The following DAB1 variants were observed in gnomAD, a reference collection of about 807,000 sequenced individuals.
DAB1 encodes DAB adaptor protein 1.
Under a neutral mutation model 64.6 loss-of-function variants are expected in DAB1, and 15 were observed. The observed-to-expected ratio is 0.23, with a 90% confidence interval of 0.16 to 0.36. The LOEUF is 0.36. DAB1 is among the 10% of genes least tolerant of loss of function. The probability of loss-of-function intolerance (pLI) is 1.00; values close to 1 mark genes in which losing one functional copy is unlikely to be tolerated. For synonymous variants in DAB1, 235 were observed against 251.9 expected (o/e 0.93, Z 0.64); for missense variants, 596 against 706.7 (o/e 0.84, Z 1.78).
Position 58,228,543 on chromosome 1 carries a change from G to A in DAB1, n.310-77955C>T, listed in dbSNP as rs1004811626. On this transcript the variant is annotated intron_variant and non_coding_transcript_variant, in intron 4 of 20. Coordinates refer to the DAB1 transcript ENST00000485760. ...TGTATGGTACACTTGGTCCATTATCGTGTGTGGATATGGCAGGGGGAGGGG... is the reference window on the plus strand; with the variant it reads ...TGTATGGTACACTTGGTCCATTATCATGTGTGGATATGGCAGGGGGAGGGG... 2.5e-5 allele frequency: 10 copies of A among 403,198 alleles called. 1 individual carries two copies. Among genetic ancestry groups the A allele is most frequent in the South Asian group, 1.3e-4 (6 of 47,578 alleles). The allele number at this position is 403,198 out of a possible 1,614,324, so 25.0% of individuals were successfully genotyped here. A position where few individuals can be genotyped will look rare whatever the true frequency, so the allele number is the denominator to read the frequency against.
intron 6 of DAB1, among the ~76,000 whole-genome samples, chr1:57,663,055 GA>G (rs1043826159): frequency 2.0e-5 from 3 of 152,192 alleles, no homozygotes; most frequent in African/African-American, 7.2e-5. Flanking sequence ...AATTTATAAA[GA>G]AAAGAGGTTT....
chr1:57,307,795 T>C, intron 1 of DAB1, among the ~76,000 whole-genome samples: 1 of 152,056 alleles, frequency 6.6e-6, no homozygotes. Context: ...CTTTCCTGTA[T>C]GTTGAATATA....
chr1:57,779,332 C>T (rs567321750), intron 6 of DAB1, among the ~76,000 whole-genome samples: 6 of 152,010 alleles, frequency 3.9e-5, no homozygotes, highest in African/African-American at 7.2e-5. Flanking sequence ...GAAAGGCCAG[C>T]GTGACTGAAG....
chr1:58,051,574 T>G (rs1216067653), intron 5 of DAB1, among the ~76,000 whole-genome samples: 7 of 152,196 alleles, frequency 4.6e-5, no homozygotes, highest in Non-Finnish European at 1.0e-4. Flanking sequence ...GTAATGGGAT[T>G]GCTGGGTCAA....
chr1:57,046,937 G>A (rs1335196271), intron 9 of DAB1, among the ~76,000 whole-genome samples: 3 of 152,220 alleles, frequency 2.0e-5, no homozygotes, highest in African/African-American at 4.8e-5. Flanking sequence ...AGCAGGAAGA[G>A]CAGTCACCAG....
Position 57,678,761 on chromosome 1 carries a change from G to GTTTTTTTTTTTTTTTTTTT in DAB1, n.552-29097_552-29096insAAAAAAAAAAAAAAAAAAA, listed in dbSNP as rs143885937. Among the ~76,000 whole-genome samples the GTTTTTTTTTTTTTTTTTTT allele has an allele frequency of 1.0e-4, 14 of 135,806 alleles. 2 individuals are homozygous for GTTTTTTTTTTTTTTTTTTT. Among genetic ancestry groups the GTTTTTTTTTTTTTTTTTTT allele is most frequent in the African/African-American group, 1.1e-4 (4 of 35,368 alleles). 89.1% of individuals were successfully genotyped at this position (135,806 alleles called of 152,430 possible). ...CTGGCATTCGTCCAGTGAGGCAACT[G>GTTTTTTTTTTTTTTTTTTT]TTTTTTGTTTTTTTTTTCTTTGTTT... On this transcript the variant is annotated intron_variant and non_coding_transcript_variant, in intron 6 of 20. Transcript: ENST00000485760.
chr1:58,521,051 G>C (rs1646254113), intron 2 of DAB1, among the ~76,000 whole-genome samples: 1 of 152,128 alleles, frequency 6.6e-6, no homozygotes, highest in African/African-American at 2.4e-5. Flanking sequence ...GAGCCACAAA[G>C]CAAGACCCAA....
chr1:57,114,765 C>T (rs1655961819), intron 4 of DAB1, among the ~76,000 whole-genome samples: 1 of 152,118 alleles, frequency 6.6e-6, no homozygotes, highest in African/African-American at 2.4e-5. Context: ...AGTTGAGAAC[C>T]CTTCTGTTTG....
At chr1:57,039,051 G>A (rs1192890389) in intron 9 of DAB1, among the ~76,000 whole-genome samples, 3 of 152,182 alleles carry the variant, frequency 2.0e-5, no homozygotes, top group East Asian at 3.8e-4. Flanking sequence ...AAAACACTGA[G>A]CACTTTTAAA....
At chr1:57,679,207 T>C (rs1436019760) in intron 6 of DAB1, among the ~76,000 whole-genome samples, 1 of 152,196 alleles carries the variant, frequency 6.6e-6, no homozygotes, top group East Asian at 1.9e-4. Context: ...CCATAGCCCA[T>C]TCTCTTAATC....
At chr1:57,769,703 T>C (rs571837255) in intron 6 of DAB1, among the ~76,000 whole-genome samples, 2 of 152,282 alleles carry the variant, frequency 1.3e-5, no homozygotes, top group African/African-American at 4.8e-5. Context: ...ATTTTTCTTT[T>C]TTGTCAAATT....
At chr1:57,799,202 G>A (rs943292763) in intron 6 of DAB1, among the ~76,000 whole-genome samples, 1 of 152,172 alleles carries the variant, frequency 6.6e-6, no homozygotes, top group African/African-American at 2.4e-5. Context: ...TTGGGATAAT[G>A]GAGCAAGTTA....
intron 8 of DAB1, among the ~76,000 whole-genome samples, chr1:57,067,881 T>G (rs2100584715): frequency 6.6e-6 from 1 of 152,308 alleles, no homozygotes; most frequent in South Asian, 2.1e-4. Context: ...AGCTTGTGAG[T>G]TAGGGAACAA....
intron 2 of DAB1, among the ~76,000 whole-genome samples, chr1:57,215,179 A>G (rs1327386362): frequency 1.3e-5 from 2 of 152,084 alleles, no homozygotes; most frequent in African/African-American, 2.4e-5. Context: ...CTGAGCTGCA[A>G]TCTCACAGCT....
chr1:58,065,262 T>G (rs1648784038), intron 5 of DAB1, among the ~76,000 whole-genome samples: 1 of 152,186 alleles, frequency 6.6e-6, no homozygotes, highest in African/African-American at 2.4e-5. Context: ...TCCAGGATGT[T>G]TAGCTTCAAA....
At chr1:57,816,790 T>G (rs1651874447) in intron 6 of DAB1, among the ~76,000 whole-genome samples, 1 of 152,196 alleles carries the variant, frequency 6.6e-6, no homozygotes, top group Non-Finnish European at 1.5e-5. Context: ...ACTCTGTTTT[T>G]CAAAATTTGC....
At chr1:58,079,567 G>C (rs1570323806) in intron 5 of DAB1, among the ~76,000 whole-genome samples, 1 of 132,982 alleles carries the variant, frequency 7.5e-6, no homozygotes. Context: ...CTGTCGCCCA[G>C]GTTGGAGTGC....
intron 3 of DAB1, among the ~76,000 whole-genome samples, chr1:58,349,713 G>C (rs995684874): frequency 5.9e-5 from 9 of 152,032 alleles, no homozygotes; most frequent in Admixed American, 2.0e-4. Flanking sequence ...ACAGTGTTTG[G>C]TTTTCTGTTC....
intron 6 of DAB1, among the ~76,000 whole-genome samples, chr1:57,800,701 A>G (rs764783772): frequency 2.0e-5 from 3 of 152,176 alleles, no homozygotes; most frequent in Non-Finnish European, 4.4e-5. Flanking sequence ...ATTAATGGCA[A>G]CCTACATCTA....
Sources: allele counts gnomAD v4.1 joint callset (sites outside exome capture counted in the v4.1 genomes callset), GRCh38; gene constraint gnomAD v4.1.1; transcripts MANE v1.5; gene names NCBI Gene and HGNC (gene_info 2026-07-23, HGNC 2026-07-21).